The following CPB1 variants were observed in gnomAD, a reference collection of about 807,000 sequenced individuals.
The protein encoded by CPB1 is carboxypeptidase B.
CPB1 carries 53 observed loss-of-function variants against 51.4 expected under a neutral mutation model. The observed-to-expected ratio is 1.03, with a 90% CI of 0.83 to 1.30. CPB1 has a LOEUF of 1.30. Among genes scored for constraint, CPB1 ranks in the 50% most tolerant of loss-of-function variants. CPB1 has a pLI of 0.00. For synonymous variants in CPB1, 189 were observed against 186.9 expected (o/e 1.01, Z -0.09); for missense variants, 494 against 516.2 (o/e 0.96, Z 0.42).
rs149757593 is a variant in CPB1 at position 148,834,604 on chromosome 3, A to C, written c.254A>C (p.Gln85Pro). ...GTCACTGTGGAGAATGTTCTAAAGCAGAATGAACTACAATACAAGTAAGTT... is the reference window on the plus strand; with the variant it reads ...GTCACTGTGGAGAATGTTCTAAAGCCGAATGAACTACAATACAAGTAAGTT... ...DTVTVENVLK[Q>P]NELQYKVLIS... Residue 85 changes from glutamine to proline, a missense_variant, in exon 3 of 11, where the codon CAG becomes CCG. Physicochemically the swap from Gln to Pro is moderately conservative, Grantham distance 76 (BLOSUM62 -1). Coordinates refer to ENST00000282957, the MANE Select transcript of CPB1 (RefSeq NM_001871.3). 4.3e-6 allele frequency: 7 copies of C among 1,610,410 alleles called. No individual in the cohort carries two copies. In the African/African-American group the frequency reaches 9.3e-5, roughly 22 times the overall value.
intron 2 of CPB1, among the ~76,000 whole-genome samples, chr3:148,833,549 C>T (rs778467348): frequency 1.3e-5 from 2 of 152,078 alleles, no homozygotes; most frequent in African/African-American, 2.4e-5. Context: ...CAAAGCAGTG[C>T]GCAAACATCC....
At chr3:148,840,576 G>A in intron 3 of CPB1, 110 bp from the exon 4 acceptor site, 1 of 847,624 alleles carries the variant, frequency 1.2e-6, no homozygotes, top group South Asian at 1.5e-5. Context: ...GAGAATTTAT[G>A]GAGAGTGCAA....
chr3:148,857,071 T>TTTTTTTTTTTTTTTTTTTTTTTTTTTTTG (rs1713591581), intron 9 of CPB1: 1 of 145,280 alleles, frequency 6.9e-6, no homozygotes, highest in Non-Finnish European at 1.5e-5. Flanking sequence ...TGTTTTTTTT[T>TTTTTTTTTTTTTTTTTTTTTTTTTTTTTG]TTTTTTTTTT....
intron 10 of CPB1, among the ~76,000 whole-genome samples, chr3:148,858,200 A>T (rs920347102): frequency 3.3e-5 from 5 of 152,146 alleles, no homozygotes; most frequent in African/African-American, 1.2e-4. Flanking sequence ...AACCAACCCC[A>T]CAGTATCAGA....
intron 9 of CPB1, chr3:148,856,018 T>C (rs767797312): frequency 6.6e-6 from 1 of 152,212 alleles, no homozygotes; most frequent in Non-Finnish European, 1.5e-5. Flanking sequence ...ACCTAAGGGT[T>C]TAAACAAAGG....
In CPB1 at chr3:148,846,781, A is replaced by ATGTGTG. The variant is rs1223556507; in HGVS notation, c.981+1160_981+1165dup. 1.6e-3 allele frequency among the ~76,000 whole-genome samples: 95 copies of ATGTGTG among 58,314 alleles called. 1 individual carries two copies. Among genetic ancestry groups the ATGTGTG allele is most frequent in the East Asian group, 3.2e-3 (6 of 1,900 alleles). The allele number at this position is 58,314 out of a possible 152,430, so 38.3% of individuals were successfully genotyped here. A position where few individuals can be genotyped will look rare whatever the true frequency, so the allele number is the denominator to read the frequency against. On this transcript the variant is annotated intron_variant, in intron 9 of 10. Coordinates refer to ENST00000282957, the MANE Select transcript of CPB1 (RefSeq NM_001871.3). ...CATATATATATATATACACATATAT[A>ATGTGTG]TGTGTGTGTGCGTGTGTATATATAT...
intron 6 of CPB1, among the ~76,000 whole-genome samples, chr3:148,842,536 C>T (rs1473853270): frequency 1.3e-5 from 2 of 152,020 alleles, no homozygotes; most frequent in African/African-American, 2.4e-5. Flanking sequence ...ATAGATGATG[C>T]AATAAATAAA....
In CPB1 at chr3:148,845,617, T is replaced by C; in HGVS notation, c.972T>C (p.Asn324=). ...ATGCTTACAAACTCGGTGAGAACAATGCTGAGTTGGTAAGTAGCAAAGTAG... is the reference window on the plus strand; with the variant it reads ...ATGCTTACAAACTCGGTGAGAACAACGCTGAGTTGGTAAGTAGCAAAGTAG... ...YSYAYKLGEN[N]AELNALAKAT... The change falls in exon 9 of 11, where the codon AAT becomes AAC. Residue 324 remains asparagine (N), a synonymous_variant. Coordinates refer to ENST00000282957, the MANE Select transcript of CPB1 (RefSeq NM_001871.3). The C allele has an allele frequency of 6.2e-7, 1 of 1,612,904 alleles. No homozygotes were observed. The highest frequency in any genetic ancestry group is 8.5e-7 in the Non-Finnish European group (1 of 1,178,960).
intron 2 of CPB1, among the ~76,000 whole-genome samples, chr3:148,830,254 G>A (rs1712692841): frequency 1.3e-5 from 2 of 152,138 alleles, no homozygotes; most frequent in African/African-American, 4.8e-5. Context: ...AGCCCTTCGA[G>A]CTCTGATTCT....
rs935621774 is a variant in CPB1 at position 148,834,176 on chromosome 3, T to G, written c.148-322T>G. On this transcript the variant is annotated intron_variant, in intron 2 of 10. Coordinates refer to ENST00000282957, the MANE Select transcript of CPB1 (RefSeq NM_001871.3). ...AGATCCATTACCACATAGCATCTAT[T>G]CCAACAAGTTAGTGATCCAGAAAAT... Among the ~76,000 whole-genome samples, 5 of 152,178 alleles carry G rather than the reference T, an allele frequency of 3.3e-5. No homozygotes were observed. The East Asian group carries it at 9.6e-4, about 29-fold the overall frequency.
intron 8 of CPB1, 54 bp from the exon 9 acceptor site, chr3:148,845,370 C>T (rs1713204909): frequency 6.5e-7 from 1 of 1,529,962 alleles, no homozygotes; most frequent in African/African-American, 1.4e-5. Context: ...TTAAAACATC[C>T]CCACAAGAAC....
intron 9 of CPB1, among the ~76,000 whole-genome samples, chr3:148,849,613 G>A (rs896237576): frequency 2.0e-5 from 3 of 152,120 alleles, no homozygotes. Context: ...TGAAAAATGG[G>A]AAGCCAGAAG....
intron 3 of CPB1, among the ~76,000 whole-genome samples, chr3:148,838,787 G>A (rs1712986787): frequency 1.3e-5 from 2 of 152,104 alleles, no homozygotes; most frequent in African/African-American, 4.8e-5. Flanking sequence ...TGACATTAAG[G>A]TCCAGGGATT....
At chr3:148,849,694 A>G (rs531115648) in intron 9 of CPB1, among the ~76,000 whole-genome samples, 3 of 152,372 alleles carry the variant, frequency 2.0e-5, no homozygotes, top group South Asian at 2.1e-4. Flanking sequence ...GCACTACACA[A>G]AGGTGCCAAT....
chr3:148,852,665 T>A (rs1713465515), intron 9 of CPB1, among the ~76,000 whole-genome samples: 2 of 152,086 alleles, frequency 1.3e-5, no homozygotes, highest in South Asian at 4.1e-4. Context: ...ACCAGAAAAA[T>A]AAATAAATAG....
In CPB1 at chr3:148,844,897, C is replaced by CAA. The variant is rs374599024; in HGVS notation, c.778+142_778+143dup. 1,267 of 603,636 alleles carry CAA rather than the reference C, an allele frequency of 2.1e-3. 1 individual carries two copies. The highest frequency in any genetic ancestry group is 0.011 in the African/African-American group (532 of 49,258). The allele number at this position is 603,636 out of a possible 1,614,324, so 37.4% of individuals were successfully genotyped here. A position where few individuals can be genotyped will look rare whatever the true frequency, so the allele number is the denominator to read the frequency against. On this transcript the variant is annotated intron_variant, in intron 8 of 10. Coordinates refer to ENST00000282957, the MANE Select transcript of CPB1 (RefSeq NM_001871.3). ...TAAAGTTCTAACCTTCTAAAAGCACCAAAAAAAAAAAAACCAGTTTAATTC... is the reference window on the plus strand; with the variant it reads ...TAAAGTTCTAACCTTCTAAAAGCACCAAAAAAAAAAAAAAACCAGTTTAATTC...
chr3:148,851,334 C>CAAAAAAAAAAA (rs59423779), intron 9 of CPB1: 6 of 82,066 alleles, frequency 7.3e-5, no homozygotes, highest in African/African-American at 9.3e-5. Flanking sequence ...GACCCTGTCT[C>CAAAAAAAAAAA]AAAAAAAAAA....
At chr3:148,840,285 T>C (rs1713035136) in intron 3 of CPB1, among the ~76,000 whole-genome samples, 1 of 150,452 alleles carries the variant, frequency 6.6e-6, no homozygotes, top group African/African-American at 2.4e-5. Context: ...AGTTCTAAAT[T>C]CAGAAAAGTC....
intron 9 of CPB1, among the ~76,000 whole-genome samples, chr3:148,852,894 C>A (rs1486707514): frequency 3.9e-5 from 6 of 152,202 alleles, no homozygotes; most frequent in African/African-American, 4.8e-5. Context: ...CCTTGCCCTT[C>A]TCTAATCTCA....
Sources: gnomAD v4.1 joint callset for allele counts (sites outside exome capture counted in the v4.1 genomes callset) on GRCh38, gnomAD v4.1.1 for gene constraint, MANE v1.5 for transcripts, NCBI Gene and HGNC (gene_info 2026-07-23, HGNC 2026-07-21) for gene names.